The following FAXC variants were observed in gnomAD, a reference collection of about 807,000 sequenced individuals.
FAXC encodes failed axon connections homolog, metaxin like GST domain containing.
Under a neutral mutation model 41.9 loss-of-function variants are expected in FAXC, and 10 were observed. The ratio of observed to expected loss-of-function variants is 0.24; its 90% CI spans 0.15 to 0.41. The LOEUF (loss-of-function observed/expected upper bound fraction) is 0.41, where lower values mean the gene tolerates loss of function less well. Among genes scored for constraint, FAXC ranks in the 10% least tolerant of loss-of-function variants. FAXC has a pLI of 1.00. For synonymous variants in FAXC, 183 were observed against 183.8 expected (o/e 1.00, Z 0.03); for missense variants, 399 against 510.9 (o/e 0.78, Z 2.11).
intron 1 of FAXC, among the ~76,000 whole-genome samples, chr6:99,348,713 A>G (rs1773683437): frequency 1.3e-5 from 2 of 152,238 alleles, no homozygotes; most frequent in African/African-American, 2.4e-5. Flanking sequence ...TAGGTAAAAG[A>G]TAAGGTTAGC....
At chr6:99,289,489 TA>T (rs970331272) in intron 5 of FAXC, among the ~76,000 whole-genome samples, 2 of 151,742 alleles carry the variant, frequency 1.3e-5, no homozygotes, top group Non-Finnish European at 2.9e-5. Flanking sequence ...CATTTATTTT[TA>T]AAAAAAAATT....
intron 5 of FAXC, among the ~76,000 whole-genome samples, chr6:99,287,392 T>C (rs1771066554): frequency 6.6e-6 from 1 of 152,214 alleles, no homozygotes; most frequent in Non-Finnish European, 1.5e-5. Context: ...AAAACTTTTC[T>C]ATCTTTTCTA....
intron 3 of FAXC, among the ~76,000 whole-genome samples, chr6:99,332,122 T>C (rs1359998213): frequency 2.0e-5 from 3 of 152,052 alleles, no homozygotes; most frequent in Non-Finnish European, 4.4e-5. Flanking sequence ...GGAGCTTAGG[T>C]CAGCCCTGGA....
At chr6:99,349,024 G>A (rs1773695547) in intron 1 of FAXC, 83 bp downstream of exon 1, 1 of 1,359,706 alleles carries the variant, frequency 7.4e-7, no homozygotes, top group Non-Finnish European at 1.0e-6. Flanking sequence ...CCGAGGGGCT[G>A]GCACGGGCCC....
chr6:99,295,652 AAATCCT>A (rs1384867255), intron 4 of FAXC, among the ~76,000 whole-genome samples: 3 of 152,214 alleles, frequency 2.0e-5, no homozygotes, highest in Admixed American at 6.5e-5. Context: ...TCCATATAAT[AAATCCT>A]AATGGTTCGG....
intron 4 of FAXC, among the ~76,000 whole-genome samples, chr6:99,319,193 C>A (rs981993383): frequency 2.0e-5 from 3 of 152,020 alleles, no homozygotes; most frequent in Non-Finnish European, 4.4e-5. Flanking sequence ...GTCGAGAGAT[C>A]GAGACCATCC....
At chr6:99,281,584 C>T (rs1770838845) in intron 5 of FAXC, 131 bp from the exon 6 acceptor site, 1 of 747,154 alleles carries the variant, frequency 1.3e-6, no homozygotes, top group South Asian at 1.7e-5. Context: ...GAGGTGGGGC[C>T]TTTAAGAGGT....
intron 4 of FAXC, among the ~76,000 whole-genome samples, chr6:99,310,113 A>G (rs1012423349): frequency 6.6e-6 from 1 of 152,132 alleles, no homozygotes; most frequent in East Asian, 1.9e-4. Flanking sequence ...TCTAAAATTT[A>G]CTCACACCAA....
At chr6:99,283,263 G>A (rs759716296) in intron 5 of FAXC, among the ~76,000 whole-genome samples, 11 of 152,104 alleles carry the variant, frequency 7.2e-5, no homozygotes, top group South Asian at 2.1e-4. Flanking sequence ...TGATTTCATC[G>A]ATCCAAGATA....
At chr6:99,327,939 C>T (rs1343064391) in intron 3 of FAXC, among the ~76,000 whole-genome samples, 2 of 152,190 alleles carry the variant, frequency 1.3e-5, no homozygotes, top group African/African-American at 4.8e-5. Context: ...TACCAGGTCC[C>T]CTGACATCCC....
At position 99,281,188 on chromosome 6, in the gene FAXC, A is replaced by G. The variant is rs1284593838; in HGVS notation, c.1206T>C (p.Tyr402=). 6.0e-6 allele frequency: 9 copies of G among 1,494,770 alleles called. No homozygotes were observed. Among genetic ancestry groups the G allele is most frequent in the Non-Finnish European group, 8.4e-6 (9 of 1,071,310 alleles). The allele number at this position is 1,494,770 out of a possible 1,614,324, so 92.6% of individuals were successfully genotyped here. A position where few individuals can be genotyped will look rare whatever the true frequency, so the allele number is the denominator to read the frequency against. The part of the protein sequence containing the change: ...LFDSDVDMDD[Y]TDHEQCK ...GTCACTTGCACTGTTCGTGGTCTGT[A>G]TAGTCATCCATGTCCACATCCGAAT... is the stretch of plus-strand genomic sequence containing the variant. The change falls in exon 6 of 6, where the codon TAT becomes TAC. Residue 402 remains tyrosine (Y), a synonymous_variant. Coordinates refer to ENST00000389677, the MANE Select transcript of FAXC (RefSeq NM_032511.4).
chr6:99,283,426 T>C (rs1304240006), intron 5 of FAXC, among the ~76,000 whole-genome samples: 1 of 152,200 alleles, frequency 6.6e-6, no homozygotes, highest in Non-Finnish European at 1.5e-5. Context: ...TTACATCCCC[T>C]GCAAAACATA....
intron 3 of FAXC, among the ~76,000 whole-genome samples, chr6:99,329,121 G>C (rs1190577590): frequency 6.6e-6 from 1 of 152,230 alleles, no homozygotes. Context: ...AGAGGACAGA[G>C]AGGGTCAATT....
intron 4 of FAXC, 45 bp from the exon 5 acceptor site, chr6:99,291,865 C>T: frequency 1.5e-6 from 2 of 1,344,296 alleles, no homozygotes; most frequent in East Asian, 2.3e-5. Context: ...GCCCACACTG[C>T]CCCACATCAT....
chr6:99,302,066 A>G (rs1352419625), intron 4 of FAXC, among the ~76,000 whole-genome samples: 1 of 152,230 alleles, frequency 6.6e-6, no homozygotes, highest in African/African-American at 2.4e-5. Flanking sequence ...ACAGGCTGCA[A>G]TGAAGATGCC....
At chr6:99,310,689 A>G (rs907590104) in intron 4 of FAXC, among the ~76,000 whole-genome samples, 2 of 152,232 alleles carry the variant, frequency 1.3e-5, no homozygotes, top group Non-Finnish European at 2.9e-5. Context: ...GACAGGCATA[A>G]TTACTTCCAT....
At chr6:99,313,271 C>A (rs113595512) in intron 4 of FAXC, among the ~76,000 whole-genome samples, 1,666 of 152,294 alleles carry the variant, frequency 0.011, 21 homozygotes, top group African/African-American at 0.037. Context: ...ACAGCCTGGG[C>A]AACAGAGTGA....
chr6:99,283,338 A>T lies in FAXC; in HGVS notation c.941-1885T>A, dbSNP rs930529648. ...TTTCTATTTACCTATTGCCATTATT[A>T]TTACATATTATCTCCTGTAACATTA... On this transcript the variant is annotated intron_variant, in intron 5 of 5. Coordinates refer to ENST00000389677, the MANE Select transcript of FAXC (RefSeq NM_032511.4). Among the ~76,000 whole-genome samples, 13 of 152,334 alleles carry T rather than the reference A, an allele frequency of 8.5e-5. No homozygotes were observed. The South Asian group carries it at 1.4e-3, about 17-fold the overall frequency.
chr6:99,273,736 C>T lies in FAXC; in HGVS notation c.*7428G>A, dbSNP rs1770496440. ...TACACATTCTCTAATCAATTACAGG[C>T]ATCTGGGTGCTACGCCTAAAGACTC... is the stretch of plus-strand genomic sequence containing the variant. On this transcript the variant is annotated 3_prime_UTR_variant, in exon 6 of 6. Coordinates refer to ENST00000389677, the MANE Select transcript of FAXC (RefSeq NM_032511.4). 1 of 151,950 alleles carries T rather than the reference C, an allele frequency of 6.6e-6. No homozygotes were observed. Among genetic ancestry groups the T allele is most frequent in the African/African-American group, 2.4e-5 (1 of 41,362 alleles). The allele number at this position is 151,950 out of a possible 1,614,324, so 9.4% of individuals were successfully genotyped here.
Sources: allele counts gnomAD v4.1 joint callset (sites outside exome capture counted in the v4.1 genomes callset), GRCh38; gene constraint gnomAD v4.1.1; transcripts MANE v1.5; gene names NCBI Gene and HGNC (gene_info 2026-07-23, HGNC 2026-07-21).